Variants in STIMATE observed in about 807,000 individuals in gnomAD.
STIMATE encodes store-operated calcium entry regulator STIMATE.
STIMATE carries 15 observed loss-of-function variants against 36.7 expected under a neutral mutation model. That is an observed-to-expected ratio of 0.41 (90% CI 0.27 to 0.63). The LOEUF (loss-of-function observed/expected upper bound fraction) is 0.63, where lower values mean the gene tolerates loss of function less well. Among genes scored for constraint, STIMATE ranks in the 20% least tolerant of loss-of-function variants. The probability of loss-of-function intolerance (pLI) is 0.32; values close to 1 mark genes in which losing one functional copy is unlikely to be tolerated. For missense variants in STIMATE, 305 were observed against 397.3 expected (o/e 0.77, Z 1.98); for synonymous variants, 163 against 162.3 (o/e 1.00, Z -0.03).
chr3:52,867,532 G>T (rs945376698), intron 1 of STIMATE, among the ~76,000 whole-genome samples: 1 of 152,188 alleles, frequency 6.6e-6, no homozygotes, highest in Non-Finnish European at 1.5e-5. Flanking sequence ...CCAATGACCC[G>T]GAGGCAGAAA....
At chr3:52,867,882 G>A (rs539274088) in intron 1 of STIMATE, among the ~76,000 whole-genome samples, 3 of 152,270 alleles carry the variant, frequency 2.0e-5, no homozygotes, top group South Asian at 4.1e-4. Context: ...CAAGTCACCC[G>A]GGCCAAGCCT....
At chr3:52,894,948 G>T (rs1333240498) in intron 1 of STIMATE, among the ~76,000 whole-genome samples, 1 of 152,248 alleles carries the variant, frequency 6.6e-6, no homozygotes, top group African/African-American at 2.4e-5. Flanking sequence ...GAGGAAGGAT[G>T]GAGTGGCCTC....
chr3:52,837,756 C>T lies in STIMATE; in HGVS notation c.*2738G>A, dbSNP rs1578792824. 6.6e-6 allele frequency: 1 copy of T among 152,252 alleles called. No homozygotes were observed. The highest frequency in any genetic ancestry group is 1.5e-5 in the Non-Finnish European group (1 of 68,052). 9.4% of individuals were successfully genotyped at this position (152,252 alleles called of 1,614,324 possible). ...ATAGCACACAATATCCAGCCAACGT[C>T]CCACCATTTCTCAACACGGTGATGG... On this transcript the variant is annotated 3_prime_UTR_variant, in exon 8 of 8. Transcript: ENST00000355083.
intron 1 of STIMATE, among the ~76,000 whole-genome samples, chr3:52,860,256 A>T (rs1701195571): frequency 6.6e-6 from 1 of 151,934 alleles, no homozygotes; most frequent in Admixed American, 6.6e-5. Context: ...CCTAGTAGGG[A>T]GAGGAATAAC....
At chr3:52,857,767 TAGAG>T (rs1158740455) in intron 1 of STIMATE, among the ~76,000 whole-genome samples, 1 of 150,134 alleles carries the variant, frequency 6.7e-6, no homozygotes, top group African/African-American at 2.4e-5. Flanking sequence ...TTATTATATA[TAGAG>T]AGAGAGAGAG....
intron 1 of STIMATE, among the ~76,000 whole-genome samples, chr3:52,895,571 A>C (rs1701851588): frequency 6.6e-6 from 1 of 152,218 alleles, no homozygotes; most frequent in African/African-American, 2.4e-5. Flanking sequence ...GCTCACGCTG[A>C]AGATTAAGTA....
At chr3:52,848,105 T>C (rs1024962003) in intron 4 of STIMATE, 2 of 152,724 alleles carry the variant, frequency 1.3e-5, no homozygotes, top group Non-Finnish European at 2.9e-5. Context: ...ATTTGTGCCA[T>C]GAAGTTTGTG....
At position 52,858,033 on chromosome 3, in the gene STIMATE, G is replaced by A. The variant is rs547679110; in HGVS notation, c.161-2589C>T. 5.3e-5 allele frequency among the ~76,000 whole-genome samples: 8 copies of A among 152,272 alleles called. No homozygotes were observed. In the East Asian group the frequency reaches 5.8e-4, roughly 11 times the overall value. On this transcript the variant is annotated intron_variant, in intron 1 of 7. Transcript: ENST00000355083. The stretch of plus-strand genomic sequence containing the variant: ...ACCATGCAAGAACACTGAGAAGAGC[G>A]TCATCTGCAAGCCAAGGAGAGAGGC...
Position 52,897,443 on chromosome 3 carries a change from C to A in STIMATE, c.8G>T (p.Gly3Val), listed in dbSNP as rs1701885514. 4 of 1,374,278 alleles carry A rather than the reference C, an allele frequency of 2.9e-6. No individual in the cohort carries two copies. The South Asian group carries it at 5.0e-5, about 17-fold the overall frequency. 85.1% of individuals were successfully genotyped at this position (1,374,278 alleles called of 1,614,324 possible). A position where few individuals can be genotyped will look rare whatever the true frequency, so the allele number is the denominator to read the frequency against. MQ[G>V]PAGNASRGLP... ...TCCCCGGCTCGCGTTCCCGGCGGGG[C>A]CCTGCATGACAGGCCTCGCGGGAGG... The change falls in exon 1 of 8, where the codon GGC becomes GTC. Residue 3 changes from glycine to valine, a missense_variant. By Grantham distance (109) the Gly-to-Val change is moderately radical. Around this residue, in one of 3 missense-constraint regions of STIMATE, gnomAD observed 57 missense variants for 57.1 expected, o/e 1.00. Coordinates refer to ENST00000355083, the MANE Select transcript of STIMATE (RefSeq NM_198563.5).
At chr3:52,885,449 G>A (rs1185486735) in intron 1 of STIMATE, among the ~76,000 whole-genome samples, 1 of 152,084 alleles carries the variant, frequency 6.6e-6, no homozygotes, top group Non-Finnish European at 1.5e-5. Context: ...TAATATTAAG[G>A]CATGATGACT....
chr3:52,844,738 GT>G, intron 5 of STIMATE, 90 bp downstream of exon 5: 1 of 1,477,038 alleles, frequency 6.8e-7, no homozygotes, highest in Non-Finnish European at 9.3e-7. Context: ...AACAAGTTTG[GT>G]TTTCCTAGAG....
intron 1 of STIMATE, among the ~76,000 whole-genome samples, chr3:52,886,017 T>C (rs566344168): frequency 1.6e-4 from 25 of 152,340 alleles, no homozygotes; most frequent in African/African-American, 6.0e-4. Context: ...TAGCACAGGC[T>C]CAAATGTTAA....
chr3:52,884,502 T>G (rs1184621873), intron 1 of STIMATE, among the ~76,000 whole-genome samples: 2 of 152,162 alleles, frequency 1.3e-5, no homozygotes, highest in Non-Finnish European at 2.9e-5. Context: ...CGCCACGGCC[T>G]CCCAAAGTGC....
intron 1 of STIMATE, among the ~76,000 whole-genome samples, chr3:52,880,004 C>T (rs751782453): frequency 6.6e-6 from 1 of 152,214 alleles, no homozygotes; most frequent in Non-Finnish European, 1.5e-5. Context: ...TTCTTTGATT[C>T]CTGCCTTCCT....
Position 52,897,420 on chromosome 3 carries a change from C to T in STIMATE, c.31G>A (p.Gly11Arg), listed in dbSNP as rs2106745542. 11 of 1,452,950 alleles carry T rather than the reference C, an allele frequency of 7.6e-6. No individual in the cohort carries two copies. Among genetic ancestry groups the T allele is most frequent in the Non-Finnish European group, 9.9e-6 (11 of 1,110,530 alleles). 90.0% of individuals were successfully genotyped at this position (1,452,950 alleles called of 1,614,324 possible). A position where few individuals can be genotyped will look rare whatever the true frequency, so the allele number is the denominator to read the frequency against. The change falls in exon 1 of 8, where the codon GGA becomes AGA. Residue 11 changes from glycine (G) to arginine (R), a missense_variant. Physicochemically the swap from Gly to Arg is moderately radical, Grantham distance 125 (BLOSUM62 -2). This residue lies in a region of STIMATE where 57 missense variants were observed against 57.1 expected (regional missense o/e 1.00). Transcript: ENST00000355083. MQGPAGNASR[G>R]LPGGPPSTVA... ...GTGGAGGGCGGCCCGCCTGGCAGTC[C>T]CCGGCTCGCGTTCCCGGCGGGGCCC...
At chr3:52,853,885 A>G (rs1210194020) in intron 2 of STIMATE, among the ~76,000 whole-genome samples, 2 of 152,262 alleles carry the variant, frequency 1.3e-5, no homozygotes, top group Admixed American at 6.5e-5. Flanking sequence ...AGCCTAAAAC[A>G]GGCAGCTTCT....
chr3:52,880,152 G>C (rs1040632390), intron 1 of STIMATE, among the ~76,000 whole-genome samples: 6 of 152,156 alleles, frequency 3.9e-5, no homozygotes, highest in Admixed American at 3.9e-4. Flanking sequence ...TAGATAAAAG[G>C]AGGCTTAGGG....
intron 1 of STIMATE, among the ~76,000 whole-genome samples, chr3:52,886,919 T>C (rs746794724): frequency 5.3e-5 from 8 of 152,134 alleles, no homozygotes; most frequent in African/African-American, 1.2e-4. Flanking sequence ...TGAGAAAATA[T>C]CAGACAAACC....
intron 1 of STIMATE, among the ~76,000 whole-genome samples, chr3:52,891,566 A>G (rs908592751): frequency 2.2e-4 from 34 of 152,290 alleles, no homozygotes; most frequent in East Asian, 1.9e-4. Context: ...AAAACACAAG[A>G]AAGATTAGGT....
Sources: allele counts gnomAD v4.1 joint callset (sites outside exome capture counted in the v4.1 genomes callset), GRCh38; gene constraint gnomAD v4.1.1; regional missense constraint gnomAD v4.1.1; transcripts MANE v1.5; gene names NCBI Gene and HGNC (gene_info 2026-07-23, HGNC 2026-07-21).